Variants in COL4A4 observed in about 807,000 individuals in gnomAD.
The protein encoded by COL4A4 is collagen type IV alpha 4 chain.
A neutral mutation model predicts 192.9 loss-of-function variants in COL4A4; 105 were observed. That is an observed-to-expected ratio of 0.54 (90% CI 0.46 to 0.64). The LOEUF is 0.64. Ranked by LOEUF, COL4A4 falls within the 30% of genes least tolerant of loss-of-function variation. The probability of loss-of-function intolerance (pLI) is 0.00; values close to 1 mark genes in which losing one functional copy is unlikely to be tolerated. For synonymous variants in COL4A4, 762 were observed against 769.9 expected, an observed-to-expected ratio of 0.99 and a Z score of 0.17; for missense variants, 1,967 against 2,169.3, an observed-to-expected ratio of 0.91 and a Z score of 1.85.
chr2:227,100,117 G>T (rs1204712019), intron 17 of COL4A4, among the ~76,000 whole-genome samples: 1 of 152,138 alleles, frequency 6.6e-6, no homozygotes, highest in Non-Finnish European at 1.5e-5. Flanking sequence ...TTCCTTTAAT[G>T]CCACCATGGC....
chr2:227,010,442 C>A lies in COL4A4; in HGVS notation c.4393G>T (p.Gly1465Cys), dbSNP rs1423011929. The A allele has an allele frequency of 1.9e-6, 3 of 1,613,602 alleles. No homozygotes were observed. The highest frequency in any genetic ancestry group is 1.7e-6 in the Non-Finnish European group (2 of 1,179,706). Residue 1465 changes from glycine to cysteine, a missense_variant, in exon 46 of 48, where the codon GGC becomes TGC. By Grantham distance (159) the Gly-to-Cys change is radical. Transcript: ENST00000396625. ...TGACTGTGGAGAACCAGGAGGAAGC[C>A]ACCGAGGTATCCAGGGCCAAACCCT... The part of the protein sequence containing the change: ...PKGFGPGYLG[G>C]FLLVLHSQTD...
intron 4 of COL4A4, among the ~76,000 whole-genome samples, chr2:227,128,807 C>T (rs1356022154): frequency 6.6e-6 from 1 of 152,140 alleles, no homozygotes; most frequent in Non-Finnish European, 1.5e-5. Flanking sequence ...ATCTTCTCCC[C>T]ACTGCCCCAT....
At chr2:227,026,641 T>C (rs1435039809) in intron 42 of COL4A4, among the ~76,000 whole-genome samples, 1 of 152,220 alleles carries the variant, frequency 6.6e-6, no homozygotes, top group Non-Finnish European at 1.5e-5. Context: ...GACGCCACAT[T>C]ACCGTAATAT....
At chr2:227,134,579 G>C (rs1049713772) in intron 4 of COL4A4, among the ~76,000 whole-genome samples, 4 of 152,142 alleles carry the variant, frequency 2.6e-5, no homozygotes, top group African/African-American at 9.7e-5. Context: ...AGAACTTTGA[G>C]TGCAAGTAAT....
chr2:227,144,458 T>A (rs1402400293), intron 3 of COL4A4, 58 bp downstream of exon 3: 15 of 1,447,374 alleles, frequency 1.0e-5, no homozygotes, highest in Non-Finnish European at 1.5e-5. Flanking sequence ...ATAACAAAAA[T>A]TATGCATTCT....
In COL4A4 at chr2:227,108,942, C is replaced by T. The variant is rs191297873; in HGVS notation, c.658-74G>A. ...CAGAATGTGCCTTCTTTTGTTACCC[C>T]AAAATAGGGTCCTATTTAGGAAACC... On this transcript the variant is annotated intron_variant, in intron 10 of 47. Coordinates refer to ENST00000396625, the MANE Select transcript of COL4A4 (RefSeq NM_000092.5). 5.8e-4 allele frequency: 808 copies of T among 1,397,980 alleles called. 4 individuals carry two copies. In the African/African-American group the frequency reaches 7.8e-3, roughly 13 times the overall value. The allele number at this position is 1,397,980 out of a possible 1,614,324, so 86.6% of individuals were successfully genotyped here. A position where few individuals can be genotyped will look rare whatever the true frequency, so the allele number is the denominator to read the frequency against.
chr2:227,154,555 T>C (rs1024727629), intron 1 of COL4A4, among the ~76,000 whole-genome samples: 1 of 152,236 alleles, frequency 6.6e-6, no homozygotes, highest in Non-Finnish European at 1.5e-5. Flanking sequence ...TTTTTATTGG[T>C]TCAGTAAAAT....
the COL4A4 span, among the ~76,000 whole-genome samples, chr2:226,979,427 G>A: frequency 6.6e-6 from 1 of 152,130 alleles, no homozygotes; most frequent in Non-Finnish European, 1.5e-5. Flanking sequence ...TCACCACCCA[G>A]GAACAGGAGG....
At chr2:227,130,446 T>C (rs2062376675) in intron 4 of COL4A4, among the ~76,000 whole-genome samples, 1 of 152,120 alleles carries the variant, frequency 6.6e-6, no homozygotes, top group Non-Finnish European at 1.5e-5. Flanking sequence ...CCTGACTAGC[T>C]CTAACCCACT....
At chr2:227,031,370 G>A (rs887610317) in intron 40 of COL4A4, among the ~76,000 whole-genome samples, 10 of 152,022 alleles carry the variant, frequency 6.6e-5, no homozygotes, top group African/African-American at 1.9e-4. Context: ...GATATCACAC[G>A]GAGCCACACT....
In COL4A4 at chr2:227,060,122, A is replaced by AC; in HGVS notation, c.2164+13_2164+14insG. ...AGCAGAAAAAAAAAAAAAAAAAAAA[A>AC]AAACCTCACTGACCAGGTGGACCTG... On this transcript the variant is annotated intron_variant, in intron 27 of 47. Transcript: ENST00000396625. 7.0e-7 allele frequency: 1 copy of AC among 1,423,924 alleles called. No homozygotes were observed. Among genetic ancestry groups the AC allele is most frequent in the Admixed American group, 2.0e-5 (1 of 49,206 alleles). 88.2% of individuals were successfully genotyped at this position (1,423,924 alleles called of 1,614,324 possible).
rs117181365 is a variant in COL4A4, at chr2:227,022,142, G to A, written c.4122C>T (p.Asp1374=). The part of the protein sequence containing the change: ...GEPGPPADVD[D]CPRIPGLPGA... ...CAGGAAGGCCTGGGATTCGGGGACA[G>A]TCATCCACATCTGCAGGTGGCCCCG... Residue 1374 remains aspartate, a synonymous_variant, in exon 44 of 48, where the codon GAC becomes GAT. Coordinates refer to ENST00000396625, the MANE Select transcript of COL4A4 (RefSeq NM_000092.5). 9 of 1,614,154 alleles carry A rather than the reference G, an allele frequency of 5.6e-6. No homozygotes were observed. The highest frequency in any genetic ancestry group is 2.2e-5 in the East Asian group (1 of 44,874).
At chr2:227,133,824 G>A (rs952045200) in intron 4 of COL4A4, among the ~76,000 whole-genome samples, 1 of 151,840 alleles carries the variant, frequency 6.6e-6, no homozygotes, top group Non-Finnish European at 1.5e-5. Context: ...CCAGGAGGCA[G>A]AGGTTGCAGT....
intron 25 of COL4A4, among the ~76,000 whole-genome samples, chr2:227,067,499 G>A (rs953012050): frequency 7.2e-5 from 11 of 152,146 alleles, no homozygotes; most frequent in African/African-American, 2.7e-4. Context: ...TAAAAGAACA[G>A]AAATTATAAC....
chr2:226,990,517 C>T, the COL4A4 span, among the ~76,000 whole-genome samples: 1 of 152,166 alleles, frequency 6.6e-6, no homozygotes, highest in Non-Finnish European at 1.5e-5. Flanking sequence ...TGGGCAGGAT[C>T]TATGAATAGC....
intron 41 of COL4A4, among the ~76,000 whole-genome samples, 190 bp from the exon 42 acceptor site, chr2:227,028,199 C>T (rs968894166): frequency 9.2e-5 from 14 of 152,222 alleles, no homozygotes; most frequent in East Asian, 7.7e-4. Context: ...AACACATGAT[C>T]GGCCGAAAGA....
chr2:226,974,512 C>G, the COL4A4 span, among the ~76,000 whole-genome samples: 33 of 152,234 alleles, frequency 2.2e-4, no homozygotes, highest in Non-Finnish European at 3.8e-4. Context: ...GCTGGGATTA[C>G]AGGCGTGAGC....
intron 33 of COL4A4, among the ~76,000 whole-genome samples, chr2:227,050,397 T>C (rs1973823889): frequency 6.6e-6 from 1 of 152,250 alleles, no homozygotes; most frequent in Admixed American, 6.5e-5. Context: ...GTGTTACTAA[T>C]TTGAATTTTA....
intron 40 of COL4A4, among the ~76,000 whole-genome samples, chr2:227,031,615 G>A (rs181808746): frequency 1.2e-3 from 186 of 152,302 alleles, no homozygotes; most frequent in African/African-American, 4.0e-3. Flanking sequence ...AGGAGGGTGC[G>A]ATTCCCACTT....
Sources: gnomAD v4.1 joint callset for allele counts (sites outside exome capture counted in the v4.1 genomes callset) on GRCh38, gnomAD v4.1.1 for gene constraint, MANE v1.5 for transcripts, NCBI Gene and HGNC (gene_info 2026-07-23, HGNC 2026-07-21) for gene names.